The following DLG2 variants were observed in gnomAD, a reference collection of about 807,000 sequenced individuals.
DLG2 encodes discs large MAGUK scaffold protein 2.
DLG2 carries 45 observed loss-of-function variants against 132.5 expected under a neutral mutation model. That is an observed-to-expected ratio of 0.34 (90% CI 0.27 to 0.44). The LOEUF (loss-of-function observed/expected upper bound fraction) is 0.44. Ranked by LOEUF, DLG2 falls within the 20% of genes least tolerant of loss-of-function variation. The probability of loss-of-function intolerance (pLI) is 1.00; values close to 1 mark genes in which losing one functional copy is unlikely to be tolerated. For synonymous variants in DLG2, 424 were observed against 419.6 expected (o/e 1.01, Z -0.13); for missense variants, 1,045 against 1,196.9 (o/e 0.87, Z 1.87).
chr11:85,436,160 C>T (rs1209823281), intron 3 of DLG2, among the ~76,000 whole-genome samples: 1 of 152,146 alleles, frequency 6.6e-6, no homozygotes, highest in East Asian at 1.9e-4. Flanking sequence ...AAAATTAACT[C>T]AAGATGGATT....
At chr11:83,831,017 C>CTATATATATATATA (rs777014134) in intron 17 of DLG2, among the ~76,000 whole-genome samples, 12 of 152,162 alleles carry the variant, frequency 7.9e-5, no homozygotes, top group Non-Finnish European at 1.6e-4. Context: ...AATCTTCAGG[C>CTATATATATATATA]TATAGTGACT....
In DLG2 at chr11:84,463,651, C is replaced by T. The variant is rs1426294422; in HGVS notation, c.519+70919G>A. Among the ~76,000 whole-genome samples, 3 of 151,256 alleles carry T rather than the reference C, an allele frequency of 2.0e-5. No homozygotes were observed. In the East Asian group the frequency reaches 5.9e-4, roughly 30 times the overall value. ...GATTATGATACCCAAATTAACTATGCATTCACTGAGGGAAGGGACTATGCC... is the reference window on the plus strand; with the variant it reads ...GATTATGATACCCAAATTAACTATGTATTCACTGAGGGAAGGGACTATGCC... On this transcript the variant is annotated intron_variant, in intron 7 of 27. Transcript: ENST00000376104.
chr11:83,833,205 A>T (rs1427761226), intron 17 of DLG2, among the ~76,000 whole-genome samples: 1 of 152,192 alleles, frequency 6.6e-6, no homozygotes, highest in Non-Finnish European at 1.5e-5. Flanking sequence ...TGGGAGGCTG[A>T]GGCGGGTGGA....
chr11:84,939,324 A>T (rs2049111488), intron 6 of DLG2, among the ~76,000 whole-genome samples: 1 of 152,194 alleles, frequency 6.6e-6, no homozygotes, highest in Non-Finnish European at 1.5e-5. Flanking sequence ...CCTTATAGAG[A>T]CATACATTGC....
At position 85,243,052 on chromosome 11, in the gene DLG2, C is replaced by A. The variant is rs1008504675; in HGVS notation, c.186+42168G>T. Reference sequence around the variant, plus strand: ...GCAGAGGAGAATCAAAAGTAGAATTCAAACTGTTTTTTCTTTTAATTTTAC... The same window carrying A: ...GCAGAGGAGAATCAAAAGTAGAATTAAAACTGTTTTTTCTTTTAATTTTAC... On this transcript the variant is annotated intron_variant, in intron 4 of 27. Coordinates refer to ENST00000376104, the MANE Select transcript of DLG2 (RefSeq NM_001142699.3). 1.2e-3 allele frequency among the ~76,000 whole-genome samples: 181 copies of A among 152,052 alleles called. 1 individual carries two copies. The highest frequency in any genetic ancestry group is 4.2e-3 in the African/African-American group (173 of 41,540).
intron 7 of DLG2, among the ~76,000 whole-genome samples, chr11:84,315,383 C>A (rs2098342953): frequency 6.6e-6 from 1 of 152,046 alleles, no homozygotes; most frequent in African/African-American, 2.4e-5. Context: ...AACAATAAAG[C>A]AAGTTTGCTT....
At chr11:85,588,452 C>T (rs1157731664) in intron 3 of DLG2, among the ~76,000 whole-genome samples, 2 of 152,094 alleles carry the variant, frequency 1.3e-5, no homozygotes, top group African/African-American at 4.8e-5. Context: ...CTTTTTCCTA[C>T]TCATTCAACA....
rs528183376 is a variant in DLG2, at chr11:85,457,727, A to C, written c.40+140930T>G. On this transcript the variant is annotated intron_variant, in intron 3 of 27. Transcript: ENST00000376104. ...TGTCTGGATATAAAATTCTGAGTTGAAAATTATTTTCCTTAAGAATGCTTA... is the reference window on the plus strand; with the variant it reads ...TGTCTGGATATAAAATTCTGAGTTGCAAATTATTTTCCTTAAGAATGCTTA... 4.6e-5 allele frequency among the ~76,000 whole-genome samples: 7 copies of C among 152,328 alleles called. No homozygotes were observed. The South Asian group carries it at 1.2e-3, about 27-fold the overall frequency.
At chr11:85,475,057 C>A (rs1021637343) in intron 3 of DLG2, among the ~76,000 whole-genome samples, 2 of 151,196 alleles carry the variant, frequency 1.3e-5, no homozygotes, top group South Asian at 4.2e-4. Flanking sequence ...TAAGATAAGC[C>A]TCTGGCAAAA....
intron 6 of DLG2, among the ~76,000 whole-genome samples, chr11:85,104,924 T>C (rs1269566819): frequency 1.8e-5 from 2 of 108,354 alleles, no homozygotes; most frequent in Admixed American, 1.1e-4. Context: ...GAGAAAGAGG[T>C]GGGTGAATAT....
chr11:84,345,704 T>A (rs1014274211), intron 7 of DLG2, among the ~76,000 whole-genome samples: 1 of 152,200 alleles, frequency 6.6e-6, no homozygotes, highest in Non-Finnish European at 1.5e-5. Context: ...AGAGTTGGAT[T>A]ACCTGTGAGG....
chr11:84,921,726 A>G (rs1047526019), intron 6 of DLG2, among the ~76,000 whole-genome samples: 4 of 152,180 alleles, frequency 2.6e-5, no homozygotes, highest in Non-Finnish European at 4.4e-5. Flanking sequence ...GAGGGAAAAC[A>G]TTTACAATTT....
chr11:85,220,734 C>G (rs1233325044), intron 4 of DLG2, among the ~76,000 whole-genome samples: 1 of 150,898 alleles, frequency 6.6e-6, no homozygotes, highest in Non-Finnish European at 1.5e-5. Context: ...ATCTGTCTGC[C>G]TTATAATCAG....
chr11:85,191,066 T>A (rs548697406), intron 4 of DLG2, among the ~76,000 whole-genome samples: 1 of 152,260 alleles, frequency 6.6e-6, no homozygotes, highest in African/African-American at 2.4e-5. Flanking sequence ...CCTGCACTCA[T>A]ATGTTCATTG....
chr11:85,468,938 A>G (rs555888542), intron 3 of DLG2, among the ~76,000 whole-genome samples: 176 of 152,304 alleles, frequency 1.2e-3, no homozygotes, highest in African/African-American at 4.1e-3. Flanking sequence ...GATTACAAGC[A>G]TGAGCCACTG....
intron 5 of DLG2, among the ~76,000 whole-genome samples, chr11:85,137,058 G>A (rs1387138088): frequency 6.6e-6 from 1 of 151,898 alleles, no homozygotes; most frequent in Non-Finnish European, 1.5e-5. Context: ...GTAGCTGAAG[G>A]TATTTGCAAA....
At chr11:83,641,916 A>G (rs971612241) in intron 18 of DLG2, among the ~76,000 whole-genome samples, 2 of 151,532 alleles carry the variant, frequency 1.3e-5, no homozygotes, top group African/African-American at 4.9e-5. Context: ...TGTGTGTGAG[A>G]GAGAGAGAGA....
intron 16 of DLG2, among the ~76,000 whole-genome samples, chr11:83,838,587 G>C (rs1232278941): frequency 6.6e-6 from 1 of 152,168 alleles, no homozygotes; most frequent in African/African-American, 2.4e-5. Flanking sequence ...GTTTGAATTA[G>C]CTGCCCAAGT....
intron 18 of DLG2, among the ~76,000 whole-genome samples, chr11:83,719,457 G>T (rs759626155): frequency 2.1e-4 from 32 of 152,170 alleles, no homozygotes; most frequent in Non-Finnish European, 4.1e-4. Flanking sequence ...TCACAATCCT[G>T]CAGGCTGTAC....
Sources: gnomAD v4.1 joint callset for allele counts (sites outside exome capture counted in the v4.1 genomes callset) on GRCh38, gnomAD v4.1.1 for gene constraint, MANE v1.5 for transcripts, NCBI Gene and HGNC (gene_info 2026-07-23, HGNC 2026-07-21) for gene names.